Variants in FAAH2 observed in about 807,000 individuals in gnomAD.
FAAH2 encodes fatty-acid amide hydrolase 2.
FAAH2 carries 60 observed loss-of-function variants against 36.9 expected under a neutral mutation model. The observed-to-expected ratio is 1.63, with a 90% CI of 1.32 to 2.02. The LOEUF (loss-of-function observed/expected upper bound fraction) is 2.02. Ranked by LOEUF, FAAH2 falls within the 30% of genes most tolerant of loss-of-function variation. FAAH2 has a pLI of 0.00. For missense variants in FAAH2, 689 were observed against 397.5 expected, an observed-to-expected ratio of 1.73 and a Z score of -6.23; for synonymous variants, 214 against 143.8, an observed-to-expected ratio of 1.49 and a Z score of -3.49.
rs772676259 is a variant in FAAH2, at chrX:57,408,316, CTATTT to C, written c.997-23599_997-23595del. Reference sequence around the variant, plus strand: ...GGAATATCTTTCCATTCTTTTCTGCCTATTTTAATTTTTTCATCAATGTTATATAG... The same window carrying C: ...GGAATATCTTTCCATTCTTTTCTGCCTAATTTTTTCATCAATGTTATATAG... On this transcript the variant is annotated intron_variant, in intron 7 of 10. Coordinates refer to ENST00000374900, the MANE Select transcript of FAAH2 (RefSeq NM_174912.4). 1.4e-4 allele frequency among the ~76,000 whole-genome samples: 15 copies of C among 110,344 alleles called. No individual in the cohort carries two copies. The South Asian group carries it at 5.7e-3, about 42-fold the overall frequency.
intron 8 of FAAH2, among the ~76,000 whole-genome samples, chrX:57,436,355 G>GT (rs1180055757): frequency 9.3e-6 from 1 of 107,482 alleles, no homozygotes; most frequent in Non-Finnish European, 1.9e-5. Flanking sequence ...AAGAAAATGA[G>GT]TTAAAAAAAA....
chrX:57,158,279 C>T, the FAAH2 span, among the ~76,000 whole-genome samples: 28 of 111,973 alleles, frequency 2.5e-4, no homozygotes, highest in African/African-American at 7.5e-4. Context: ...TCCAAGTCTT[C>T]GCTATTGTGA....
At chrX:57,387,198 T>G (rs1477760449) in intron 7 of FAAH2, among the ~76,000 whole-genome samples, 5 of 111,707 alleles carry the variant, frequency 4.5e-5, no homozygotes, top group Non-Finnish European at 9.4e-5. Flanking sequence ...TCCAGGGCAA[T>G]CTCTTTAAAA....
chrX:57,247,381 T>C, the FAAH2 span, among the ~76,000 whole-genome samples: 2 of 111,775 alleles, frequency 1.8e-5, no homozygotes, highest in Non-Finnish European at 3.8e-5. Context: ...GGCATTTGAA[T>C]AGTATAAAAT....
the FAAH2 span, among the ~76,000 whole-genome samples, chrX:57,258,880 GT>G: frequency 2.1e-3 from 199 of 93,787 alleles, no homozygotes; most frequent in East Asian, 0.021. Context: ...GGCTAATTTT[GT>G]TTTTTTTTTT....
chrX:57,264,662 C>T, the FAAH2 span, among the ~76,000 whole-genome samples: 1 of 112,758 alleles, frequency 8.9e-6, no homozygotes, highest in Admixed American at 9.3e-5. Flanking sequence ...TACCATTCCA[C>T]TCAGCCATCC....
At chrX:57,438,041 A>G (rs865805729) in intron 8 of FAAH2, among the ~76,000 whole-genome samples, 22 of 103,007 alleles carry the variant, frequency 2.1e-4, no homozygotes, top group African/African-American at 4.1e-4. Flanking sequence ...ATATGTATAT[A>G]TATACACATA....
chrX:57,299,146 A>C (rs993855931), intron 2 of FAAH2, among the ~76,000 whole-genome samples: 3 of 111,564 alleles, frequency 2.7e-5, no homozygotes, highest in Non-Finnish European at 5.6e-5. Context: ...ACAGAGACAC[A>C]ACAAAAAAAA....
chrX:57,278,821 A>T, the FAAH2 span, among the ~76,000 whole-genome samples: 1 of 112,369 alleles, frequency 8.9e-6, no homozygotes, highest in African/African-American at 3.2e-5. Context: ...TCTCAAAAGT[A>T]GACATTTATG....
intron 5 of FAAH2, among the ~76,000 whole-genome samples, chrX:57,347,257 G>A (rs937314018): frequency 1.8e-5 from 2 of 111,697 alleles, no homozygotes; most frequent in Non-Finnish European, 3.8e-5. Context: ...TTTGTATATT[G>A]TTCTTATTTG....
At chrX:57,391,689 A>G (rs1413880300) in intron 7 of FAAH2, among the ~76,000 whole-genome samples, 1 of 110,581 alleles carries the variant, frequency 9.0e-6, no homozygotes. Context: ...CTATGTCTCC[A>G]TTTTTTTACC....
At chrX:57,346,113 A>G (rs1347979665) in intron 5 of FAAH2, among the ~76,000 whole-genome samples, 1 of 110,868 alleles carries the variant, frequency 9.0e-6, no homozygotes, top group Admixed American at 9.7e-5. Context: ...TGTTGGGTGG[A>G]CTATTTTGCA....
chrX:57,279,448 G>C, the FAAH2 span, among the ~76,000 whole-genome samples: 1 of 111,813 alleles, frequency 8.9e-6, no homozygotes, highest in African/African-American at 3.3e-5. Flanking sequence ...ACTGGTGCCT[G>C]TTGGGGACTG....
At chrX:57,151,175 T>C in the FAAH2 span, among the ~76,000 whole-genome samples, 1 of 112,418 alleles carries the variant, frequency 8.9e-6, no homozygotes, top group East Asian at 2.8e-4. Flanking sequence ...CCGACTTTTC[T>C]GTCTGGCTGC....
chrX:57,186,726 A>G, the FAAH2 span, among the ~76,000 whole-genome samples: 1 of 111,799 alleles, frequency 8.9e-6, no homozygotes, highest in Non-Finnish European at 1.9e-5. Flanking sequence ...AACCATCTTG[A>G]GTTAATTTTT....
At chrX:57,448,268 GC>G (rs1256239306) in intron 9 of FAAH2, among the ~76,000 whole-genome samples, 1 of 112,363 alleles carries the variant, frequency 8.9e-6, no homozygotes, top group African/African-American at 3.2e-5. Flanking sequence ...ACCATGCTCA[GC>G]TATAATGGGT....
chrX:57,267,055 C>T, the FAAH2 span, among the ~76,000 whole-genome samples: 68 of 111,770 alleles, frequency 6.1e-4, no homozygotes, highest in Middle Eastern at 4.6e-3. Context: ...GTCTCAGGTG[C>T]CCTGCGAGCC....
At chrX:57,275,487 C>A in the FAAH2 span, among the ~76,000 whole-genome samples, 9 of 111,947 alleles carry the variant, frequency 8.0e-5, no homozygotes, top group Non-Finnish European at 1.1e-4. Context: ...ATTGTAAAGA[C>A]CATCGATGCT....
At chrX:57,281,396 C>T in the FAAH2 span, among the ~76,000 whole-genome samples, 2 of 111,618 alleles carry the variant, frequency 1.8e-5, no homozygotes, top group South Asian at 7.6e-4. Context: ...CCCACTTTTG[C>T]CTACTTTAAG....
Sources: allele counts gnomAD v4.1 joint callset (sites outside exome capture counted in the v4.1 genomes callset), GRCh38; gene constraint gnomAD v4.1.1; transcripts MANE v1.5; gene names NCBI Gene and HGNC (gene_info 2026-07-23, HGNC 2026-07-21).